Variants in CPED1 observed in about 807,000 individuals in gnomAD.
CPED1 encodes cadherin like and PC-esterase domain containing 1, also known as cadherin-like and PC-esterase domain-containing protein 1.
A neutral mutation model predicts 128.2 loss-of-function variants in CPED1; 114 were observed. That is an observed-to-expected ratio of 0.89 (90% CI 0.76 to 1.04). CPED1 has a LOEUF of 1.04. Among genes scored for constraint, CPED1 ranks in the 50% least tolerant of loss-of-function variants. CPED1 has a pLI of 0.00. For synonymous variants in CPED1, 462 were observed against 426.7 expected, an observed-to-expected ratio of 1.08 and a Z score of -1.02; for missense variants, 1,211 against 1,207.1, an observed-to-expected ratio of 1.00 and a Z score of -0.05.
chr7:121,082,721 C>T (rs1314154865), intron 5 of CPED1, among the ~76,000 whole-genome samples: 2 of 152,142 alleles, frequency 1.3e-5, no homozygotes, highest in Admixed American at 6.6e-5. Flanking sequence ...CTCTGGGCTA[C>T]ACAGCTGTAA....
chr7:121,129,980 G>T (rs1004808910), intron 11 of CPED1, 145 bp from the exon 12 acceptor site: 35 of 609,240 alleles, frequency 5.7e-5, no homozygotes, highest in Middle Eastern at 8.8e-4. Context: ...CAACAACTTT[G>T]CAGAAAACTA....
At chr7:121,069,824 TG>T (rs1793943903) in intron 5 of CPED1, among the ~76,000 whole-genome samples, 1 of 152,188 alleles carries the variant, frequency 6.6e-6, no homozygotes, top group African/African-American at 2.4e-5. Context: ...ATAAGAGAAC[TG>T]TTTTGCTTGG....
intron 5 of CPED1, among the ~76,000 whole-genome samples, chr7:121,084,067 T>C (rs1417447357): frequency 1.3e-5 from 2 of 152,204 alleles, no homozygotes; most frequent in African/African-American, 4.8e-5. Context: ...AACCTGGAGA[T>C]AGAACTTGGA....
chr7:121,271,115 T>TA (rs34728767), intron 21 of CPED1, among the ~76,000 whole-genome samples, 169 bp from the exon 22 acceptor site: 2 of 151,814 alleles, frequency 1.3e-5, no homozygotes, highest in South Asian at 2.1e-4. Context: ...ATGTTTCGAG[T>TA]AAAAAAAATT....
In CPED1 at chr7:121,102,912, A is replaced by G. The variant is rs144285988; in HGVS notation, c.918+2818A>G. ...GTTTGTTATTTTTCTTTGTTATCAA[A>G]TTCTTGCTTCATTCTCATTTCACCT... On this transcript the variant is annotated intron_variant, in intron 7 of 22. Coordinates refer to ENST00000310396, the MANE Select transcript of CPED1 (RefSeq NM_024913.5). Among the ~76,000 whole-genome samples, 387 of 152,238 alleles carry G rather than the reference A, an allele frequency of 2.5e-3. 3 individuals carry two copies. Among genetic ancestry groups the G allele is most frequent in the African/African-American group, 8.4e-3 (350 of 41,576 alleles).
chr7:121,116,863 G>A (rs1795246384), intron 7 of CPED1, among the ~76,000 whole-genome samples: 1 of 151,244 alleles, frequency 6.6e-6, no homozygotes, highest in South Asian at 2.1e-4. Flanking sequence ...ACAAAGCAGT[G>A]CATGTAAAAT....
Position 120,990,075 on chromosome 7 carries a change from C to T in CPED1, c.249+205C>T, listed in dbSNP as rs145517735. Reference sequence around the variant, plus strand: ...TTACTTCCAGAAAGTTCTGGCATTACTTTATCTCTTAGGATTTCACTTCAT... The same window carrying T: ...TTACTTCCAGAAAGTTCTGGCATTATTTTATCTCTTAGGATTTCACTTCAT... On this transcript the variant is annotated intron_variant, in intron 2 of 22. Coordinates refer to ENST00000310396, the MANE Select transcript of CPED1 (RefSeq NM_024913.5). Among the ~76,000 whole-genome samples the T allele has an allele frequency of 4.6e-3, 699 of 152,258 alleles. 4 individuals are homozygous for T. The highest frequency in any genetic ancestry group is 8.1e-3 in the Non-Finnish European group (548 of 68,018).
At chr7:121,228,802 TA>T (rs1798075784) in intron 16 of CPED1, among the ~76,000 whole-genome samples, 1 of 151,948 alleles carries the variant, frequency 6.6e-6, no homozygotes, top group East Asian at 1.9e-4. Context: ...TACTTGGCCA[TA>T]AAAAATGAAA....
chr7:121,034,351 G>A (rs889558176), intron 3 of CPED1, among the ~76,000 whole-genome samples: 2 of 142,480 alleles, frequency 1.4e-5, no homozygotes, highest in African/African-American at 5.2e-5. Flanking sequence ...AGGTTCAAAC[G>A]ATCCTCCTGC....
intron 22 of CPED1, among the ~76,000 whole-genome samples, chr7:121,288,168 A>G (rs1201291190): frequency 6.6e-6 from 1 of 152,202 alleles, no homozygotes; most frequent in Admixed American, 6.5e-5. Context: ...TCAATTCACA[A>G]TGGCAAAGGA....
intron 7 of CPED1, among the ~76,000 whole-genome samples, chr7:121,113,105 T>C (rs1281657120): frequency 6.6e-6 from 1 of 152,214 alleles, no homozygotes. Context: ...GCATTTAATC[T>C]ATATCTTCTT....
chr7:121,125,306 A>G (rs1271393645), intron 8 of CPED1, among the ~76,000 whole-genome samples: 1 of 152,046 alleles, frequency 6.6e-6, no homozygotes, highest in East Asian at 1.9e-4. Flanking sequence ...TATTATTATT[A>G]TTTTACTTTA....
chr7:121,285,410 T>C (rs1428182754), intron 22 of CPED1, among the ~76,000 whole-genome samples: 1 of 152,234 alleles, frequency 6.6e-6, no homozygotes, highest in Admixed American at 6.5e-5. Context: ...CTGATGCAAA[T>C]TTCTGCAGCT....
rs1286847125 is a variant in CPED1, at chr7:121,075,781, TC to T, written c.616+11469del. 2.0e-5 allele frequency among the ~76,000 whole-genome samples: 3 copies of T among 152,322 alleles called. No homozygotes were observed. The East Asian group carries it at 5.8e-4, about 29-fold the overall frequency. ...TAGTAAGTGATGAAATAGGCTGAAA[TC>T]TACATATATTTTACATTTTCATGGC... On this transcript the variant is annotated intron_variant, in intron 5 of 22. Coordinates refer to ENST00000310396, the MANE Select transcript of CPED1 (RefSeq NM_024913.5).
chr7:121,019,445 A>T (rs1792382804), intron 3 of CPED1, among the ~76,000 whole-genome samples: 1 of 152,052 alleles, frequency 6.6e-6, no homozygotes, highest in Admixed American at 6.6e-5. Context: ...AAAGCGACCC[A>T]GGATTTTACA....
chr7:121,057,346 G>A (rs10224864), intron 4 of CPED1, among the ~76,000 whole-genome samples: 99,920 of 151,932 alleles, frequency 0.66, 35,579 homozygotes, highest in Admixed American at 0.81. Context: ...TGTTACATGG[G>A]TATATTGTAT....
At chr7:121,112,059 G>A (rs1795125488) in intron 7 of CPED1, among the ~76,000 whole-genome samples, 1 of 152,146 alleles carries the variant, frequency 6.6e-6, no homozygotes, top group Non-Finnish European at 1.5e-5. Flanking sequence ...TTGGCCATGT[G>A]CCTGTCATCG....
chr7:121,023,100 T>G (rs1021671631), intron 3 of CPED1, among the ~76,000 whole-genome samples: 2 of 150,982 alleles, frequency 1.3e-5, no homozygotes, highest in South Asian at 4.1e-4. Flanking sequence ...CAAAAGACTC[T>G]GACACAGAGT....
intron 3 of CPED1, among the ~76,000 whole-genome samples, chr7:121,040,020 G>A (rs188741702): frequency 2.2e-4 from 34 of 152,124 alleles, no homozygotes; most frequent in African/African-American, 7.7e-4. Flanking sequence ...TAGACATTAG[G>A]ACAGGAAAGC....
Sources: gnomAD v4.1 joint callset for allele counts (sites outside exome capture counted in the v4.1 genomes callset) on GRCh38, gnomAD v4.1.1 for gene constraint, MANE v1.5 for transcripts, NCBI Gene and HGNC (gene_info 2026-07-23, HGNC 2026-07-21) for gene names.